Variants in HECTD2 observed in about 807,000 individuals in gnomAD.
HECTD2 encodes the protein HECT domain E3 ubiquitin protein ligase 2, also known as probable E3 ubiquitin-protein ligase HECTD2.
Under a neutral mutation model 103.2 loss-of-function variants are expected in HECTD2, and 35 were observed. The observed-to-expected ratio is 0.34, with a 90% confidence interval of 0.26 to 0.45. The LOEUF (loss-of-function observed/expected upper bound fraction) is 0.45, where lower values mean the gene tolerates loss of function less well. Ranked by LOEUF, HECTD2 falls within the 20% of genes least tolerant of loss-of-function variation. The pLI is 1.00. For missense variants in HECTD2, 596 were observed against 937.4 expected (o/e 0.64, Z 4.76); for synonymous variants, 281 against 329.9 (o/e 0.85, Z 1.61).
At chr10:91,428,242 G>GT (rs1199224076) in intron 2 of HECTD2, among the ~76,000 whole-genome samples, 1 of 151,840 alleles carries the variant, frequency 6.6e-6, no homozygotes, top group African/African-American at 2.4e-5. Flanking sequence ...CTATATCTCT[G>GT]TTTTGGTACC....
chr10:91,512,530 A>AGTAT lies in HECTD2; in HGVS notation c.*149_*152dup, dbSNP rs1847463950. On this transcript the variant is annotated 3_prime_UTR_variant, in exon 21 of 21. Transcript: ENST00000298068. ...TAAGTTTTTAAAAAATCAAATATGA[A>AGTAT]GTATGTTCAGCAAAGGCATAATTTT... The AGTAT allele has an allele frequency of 2.7e-6, 2 of 754,450 alleles. No homozygotes were observed. The highest frequency in any genetic ancestry group is 2.7e-5 in the Admixed American group (1 of 36,746). The allele number at this position is 754,450 out of a possible 1,614,324, so 46.7% of individuals were successfully genotyped here. A position where few individuals can be genotyped will look rare whatever the true frequency, so the allele number is the denominator to read the frequency against.
chr10:91,410,570 G>A lies in HECTD2; in HGVS notation c.132G>A (p.Ala44=). 2 of 1,424,076 alleles carry A rather than the reference G, an allele frequency of 1.4e-6. No homozygotes were observed. The highest frequency in any genetic ancestry group is 1.8e-6 in the Non-Finnish European group (2 of 1,088,848). 88.2% of individuals were successfully genotyped at this position (1,424,076 alleles called of 1,614,324 possible). Residue 44 remains alanine, a synonymous_variant, in exon 1 of 21, where the codon GCG becomes GCA. Coordinates refer to ENST00000298068, the MANE Select transcript of HECTD2 (RefSeq NM_182765.6). ...CCATCGTATCGGCGGGCGCCGGCGC[G>A]ACCGCGGTAGGTGGTGGGCCGGGGC... ...LPPIVSAGAG[A]TAGLDRGAKG... is the part of the protein sequence containing the mutation.
At chr10:91,486,979 T>G (rs1846289025) in intron 10 of HECTD2, 1 of 152,370 alleles carries the variant, frequency 6.6e-6, no homozygotes, top group African/African-American at 2.4e-5. Flanking sequence ...AATGGCAATC[T>G]AACTCCAGAA....
chr10:91,425,139 G>A (rs1843506465), intron 1 of HECTD2, 142 bp from the exon 2 acceptor site: 4 of 600,456 alleles, frequency 6.7e-6, no homozygotes, highest in Non-Finnish European at 1.0e-5. Flanking sequence ...TCCTAGAAAA[G>A]GTAAGTCAAA....
At chr10:91,506,887 CA>C (rs1847205404) in intron 20 of HECTD2, among the ~76,000 whole-genome samples, 2 of 147,558 alleles carry the variant, frequency 1.4e-5, no homozygotes. Context: ...AAAATACTGG[CA>C]AAACGAATCC....
intron 1 of HECTD2, among the ~76,000 whole-genome samples, chr10:91,419,862 C>T (rs1843280346): frequency 6.6e-6 from 1 of 152,164 alleles, no homozygotes. Context: ...CTTTAGTGTT[C>T]TCCTGTAGGA....
intron 13 of HECTD2, among the ~76,000 whole-genome samples, 167 bp from the exon 14 acceptor site, chr10:91,493,253 T>G (rs891241796): frequency 2.6e-5 from 4 of 151,742 alleles, no homozygotes; most frequent in Non-Finnish European, 5.9e-5. Context: ...TTTGCAAATA[T>G]ATAGTCCCAT....
chr10:91,499,240 C>A, intron 18 of HECTD2, 90 bp downstream of exon 18: 3 of 667,812 alleles, frequency 4.5e-6, no homozygotes, highest in Non-Finnish European at 4.9e-6. Context: ...AGTAGATAAG[C>A]TTTTAAAATA....
intron 3 of HECTD2, among the ~76,000 whole-genome samples, chr10:91,460,971 A>G (rs1001622356): frequency 2.0e-5 from 3 of 152,232 alleles, no homozygotes; most frequent in Non-Finnish European, 4.4e-5. Flanking sequence ...TAGAATGTAA[A>G]CAAAGTCTCC....
chr10:91,473,651 A>T (rs1394821625), intron 5 of HECTD2, among the ~76,000 whole-genome samples: 1 of 152,182 alleles, frequency 6.6e-6, no homozygotes, highest in South Asian at 2.1e-4. Flanking sequence ...AGCCTACTTA[A>T]TGTGAAGATA....
intron 20 of HECTD2, among the ~76,000 whole-genome samples, chr10:91,509,275 T>TA (rs1197446422): frequency 7.3e-5 from 11 of 150,680 alleles, no homozygotes; most frequent in Admixed American, 5.3e-4. Flanking sequence ...AAAGTATAAT[T>TA]AAAAAAAATA....
intron 2 of HECTD2, among the ~76,000 whole-genome samples, chr10:91,450,484 A>G (rs955537909): frequency 1.3e-5 from 2 of 152,174 alleles, no homozygotes; most frequent in African/African-American, 4.8e-5. Flanking sequence ...TCACGGCTAA[A>G]ACACCAAAAA....
Position 91,512,412 on chromosome 10 carries a change from A to T in HECTD2, c.*28A>T, listed in dbSNP as rs374135734. ...TAGAAGACTTGAAATATAATCTTTT[A>T]TATGTAGCATTCACTTCCCTCTTAC... On this transcript the variant is annotated 3_prime_UTR_variant, in exon 21 of 21. Coordinates refer to ENST00000298068, the MANE Select transcript of HECTD2 (RefSeq NM_182765.6). 6.9e-6 allele frequency: 11 copies of T among 1,596,582 alleles called. No homozygotes were observed. Among genetic ancestry groups the T allele is most frequent in the Non-Finnish European group, 9.4e-6 (11 of 1,166,530 alleles).
intron 2 of HECTD2, among the ~76,000 whole-genome samples, chr10:91,458,037 A>AC (rs1554874267): frequency 0.022 from 3,235 of 148,216 alleles, 94 homozygotes; most frequent in East Asian, 0.072. Flanking sequence ...AAAAAAAAAA[A>AC]CCCATGAAAT....
chr10:91,461,875 A>G (rs2133205506), intron 4 of HECTD2, among the ~76,000 whole-genome samples: 1 of 152,180 alleles, frequency 6.6e-6, no homozygotes, highest in East Asian at 1.9e-4. Flanking sequence ...TACTTGCTCT[A>G]ATGTTCATGT....
rs767738716 is a variant in HECTD2 at position 91,500,483 on chromosome 10, G to GATAA, written c.1951-14_1951-11dup. 7 of 1,191,614 alleles carry GATAA rather than the reference G, an allele frequency of 5.9e-6. No individual in the cohort carries two copies. Among genetic ancestry groups the GATAA allele is most frequent in the Non-Finnish European group, 7.5e-6 (6 of 803,210 alleles). 73.8% of individuals were successfully genotyped at this position (1,191,614 alleles called of 1,614,324 possible). ...CCATCACTCTTTAATTATTGTTTTT[G>GATAA]ATAAATAATTATTGGCAGCTGCTTC... is the stretch of plus-strand genomic sequence containing the variant. On this transcript the variant is annotated intron_variant, in intron 18 of 20. Coordinates refer to ENST00000298068, the MANE Select transcript of HECTD2 (RefSeq NM_182765.6).
At chr10:91,484,184 T>G (rs1330165489) in intron 8 of HECTD2, 2 of 576,308 alleles carry the variant, frequency 3.5e-6, no homozygotes, top group Admixed American at 3.5e-5. Flanking sequence ...AACACAAGTA[T>G]TGATTTGGGG....
At chr10:91,482,825 T>A (rs1328204884) in intron 7 of HECTD2, 142 bp from the exon 8 acceptor site, 2 of 469,414 alleles carry the variant, frequency 4.3e-6, no homozygotes, top group Non-Finnish European at 7.6e-6. Flanking sequence ...AAGTCTCTGT[T>A]AATTAAATAA....
intron 1 of HECTD2, among the ~76,000 whole-genome samples, chr10:91,419,287 AGAAATTG>A (rs1469291747): frequency 6.6e-6 from 1 of 152,226 alleles, no homozygotes; most frequent in African/African-American, 2.4e-5. Flanking sequence ...AATATGACGA[AGAAATTG>A]GAAATTTAAG....
Sources: gnomAD v4.1 joint callset for allele counts (sites outside exome capture counted in the v4.1 genomes callset) on GRCh38, gnomAD v4.1.1 for gene constraint, MANE v1.5 for transcripts, NCBI Gene and HGNC (gene_info 2026-07-23, HGNC 2026-07-21) for gene names.